Variants in ESR1 observed in about 807,000 individuals in gnomAD.
The protein encoded by ESR1 is estrogen receptor 1.
In ESR1, 12 loss-of-function variants were observed where a neutral mutation model predicts 52.7. The ratio of observed to expected loss-of-function variants is 0.23; its 90% CI spans 0.15 to 0.37. The LOEUF is 0.37. ESR1 is among the 10% of genes least tolerant of loss of function. ESR1 has a pLI of 1.00. For synonymous variants in ESR1, 305 were observed against 316.8 expected (o/e 0.96, Z 0.39); for missense variants, 584 against 779.7 (o/e 0.75, Z 2.99).
intron 1 of ESR1, among the ~76,000 whole-genome samples, chr6:151,838,040 C>A (rs1027390345): frequency 1.3e-5 from 2 of 152,140 alleles, no homozygotes; most frequent in Non-Finnish European, 2.9e-5. Flanking sequence ...CACTCTGTCT[C>A]CCAGGCTGGA....
At chr6:152,075,186 G>A (rs897047900) in intron 6 of ESR1, among the ~76,000 whole-genome samples, 4 of 152,114 alleles carry the variant, frequency 2.6e-5, no homozygotes, top group Non-Finnish European at 2.9e-5. Flanking sequence ...CCCCCACCCC[G>A]CAACATTTCT....
chr6:151,907,657 G>A (rs546601856), intron 3 of ESR1, among the ~76,000 whole-genome samples: 30 of 152,098 alleles, frequency 2.0e-4, no homozygotes, highest in Admixed American at 3.9e-4. Flanking sequence ...ATTATTTCCC[G>A]AATTGTATGT....
upstream of ESR1, among the ~76,000 whole-genome samples, chr6:151,690,120 C>CA (rs891926980): frequency 1.3e-5 from 2 of 151,992 alleles, no homozygotes; most frequent in African/African-American, 2.4e-5. Context: ...AAGAAAGTCC[C>CA]AAAAAACACT....
chr6:151,904,748 A>C (rs1797186899), intron 3 of ESR1, among the ~76,000 whole-genome samples: 1 of 152,154 alleles, frequency 6.6e-6, no homozygotes, highest in Admixed American at 6.5e-5. Context: ...GTAGTTCACC[A>C]TTTATTCAGT....
chr6:151,699,169 T>C (rs1384841304), intron 1 of ESR1, among the ~76,000 whole-genome samples: 1 of 152,184 alleles, frequency 6.6e-6, no homozygotes, highest in East Asian at 1.9e-4. Flanking sequence ...ATTTTACTCC[T>C]CCCTCTGCAC....
At chr6:152,117,928 AC>A (rs2051228615) in intron 6 of ESR1, among the ~76,000 whole-genome samples, 1 of 152,194 alleles carries the variant, frequency 6.6e-6, no homozygotes, top group African/African-American at 2.4e-5. Context: ...AGCCACAGTT[AC>A]CCCAGGGTAC....
intron 2 of ESR1, among the ~76,000 whole-genome samples, chr6:151,720,222 T>A (rs1322815266): frequency 6.6e-6 from 1 of 152,222 alleles, no homozygotes; most frequent in Non-Finnish European, 1.5e-5. Flanking sequence ...AGCATTTTAT[T>A]CAAACTGTGC....
At chr6:151,940,157 G>A (rs2034881792) in intron 3 of ESR1, among the ~76,000 whole-genome samples, 1 of 152,160 alleles carries the variant, frequency 6.6e-6, no homozygotes, top group African/African-American at 2.4e-5. Context: ...GCAGGCAAGA[G>A]AGTATATGCA....
intron 1 of ESR1, among the ~76,000 whole-genome samples, chr6:151,695,598 T>C (rs1012073237): frequency 6.6e-6 from 1 of 152,238 alleles, no homozygotes; most frequent in Non-Finnish European, 1.5e-5. Flanking sequence ...ACGGATGATC[T>C]GCATTTTTGA....
At chr6:151,766,934 T>C (rs1246476316) in intron 2 of ESR1, among the ~76,000 whole-genome samples, 4 of 152,242 alleles carry the variant, frequency 2.6e-5, no homozygotes, top group African/African-American at 9.6e-5. Context: ...AAATGACAGA[T>C]ATAGTTGAGC....
At chr6:151,759,268 C>CAAA (rs984171376) in intron 2 of ESR1, among the ~76,000 whole-genome samples, 10 of 66,292 alleles carry the variant, frequency 1.5e-4, no homozygotes, top group South Asian at 6.1e-4. Context: ...GACTCTGTCT[C>CAAA]AAAAAAAAAA....
chr6:151,845,462 G>A (rs1329768041), intron 2 of ESR1, among the ~76,000 whole-genome samples: 5 of 152,126 alleles, frequency 3.3e-5, no homozygotes, highest in East Asian at 1.9e-4. Flanking sequence ...CCAGCTACTT[G>A]GGAGGCTGAG....
At chr6:151,777,141 G>A (rs1173827162) in intron 2 of ESR1, among the ~76,000 whole-genome samples, 1 of 147,030 alleles carries the variant, frequency 6.8e-6, no homozygotes, top group Non-Finnish European at 1.5e-5. Context: ...TTTTGAGACA[G>A]AGTCTTGCTC....
At chr6:151,947,098 A>T (rs971599215) in intron 4 of ESR1, among the ~76,000 whole-genome samples, 1 of 152,192 alleles carries the variant, frequency 6.6e-6, no homozygotes, top group African/African-American at 2.4e-5. Flanking sequence ...CGGGTGGATC[A>T]CCTGAGGTCA....
At chr6:151,795,179 A>G (rs1776569131) in intron 2 of ESR1, among the ~76,000 whole-genome samples, 1 of 152,154 alleles carries the variant, frequency 6.6e-6, no homozygotes, top group Non-Finnish European at 1.5e-5. Context: ...AGGAGGTATA[A>G]TGTTCAAATA....
chr6:151,833,355 T>C (rs964678432), intron 1 of ESR1, among the ~76,000 whole-genome samples: 2 of 152,220 alleles, frequency 1.3e-5, no homozygotes, highest in East Asian at 1.9e-4. Context: ...ATAAGTAAAA[T>C]CTGTGAGTCT....
intron 4 of ESR1, among the ~76,000 whole-genome samples, chr6:151,953,150 C>T (rs372920337): frequency 6.6e-6 from 1 of 152,152 alleles, no homozygotes; most frequent in African/African-American, 2.4e-5. Flanking sequence ...GAGGTGACTG[C>T]ATTGAATCTT....
At chr6:151,967,793 C>A (rs1584528215) in intron 4 of ESR1, among the ~76,000 whole-genome samples, 1 of 152,316 alleles carries the variant, frequency 6.6e-6, no homozygotes, top group Admixed American at 6.5e-5. Context: ...AATTTACACT[C>A]CCACCAACAG....
At chr6:151,763,373 C>A (rs1376860735) in intron 2 of ESR1, among the ~76,000 whole-genome samples, 2 of 152,132 alleles carry the variant, frequency 1.3e-5, no homozygotes, top group Admixed American at 1.3e-4. Context: ...TTTTCTCCCA[C>A]GTTGGAAAGA....
Sources: allele counts gnomAD v4.1 joint callset (sites outside exome capture counted in the v4.1 genomes callset), GRCh38; gene constraint gnomAD v4.1.1; transcripts MANE v1.5; gene names NCBI Gene and HGNC (gene_info 2026-07-23, HGNC 2026-07-21).